The following RAB5C variants were observed in gnomAD, a reference collection of about 807,000 sequenced individuals.
The protein encoded by RAB5C is ras-related protein Rab-5C.
Under a neutral mutation model 25.2 loss-of-function variants are expected in RAB5C, and 4 were observed. The observed-to-expected ratio is 0.16, with a 90% confidence interval of 0.08 to 0.36. The LOEUF is 0.36. RAB5C is among the 10% of genes least tolerant of loss of function. The probability of loss-of-function intolerance (pLI) is 1.00; values close to 1 mark genes in which losing one functional copy is unlikely to be tolerated. For missense variants in RAB5C, 199 were observed against 283.8 expected (o/e 0.70, Z 2.15); for synonymous variants, 100 against 106.4 (o/e 0.94, Z 0.37).
At position 42,130,531 on chromosome 17, in the gene RAB5C, G is replaced by A; in HGVS notation, c.-29C>T. On this transcript the variant is annotated 5_prime_UTR_variant, in exon 2 of 6. Transcript: ENST00000346213. The stretch of plus-strand genomic sequence containing the variant: ...CCGTCCAGCTGTAGTGGTCCAGAGA[G>A]CGTGCGGGTGGGGACTGGTGCTATG... 6.2e-7 allele frequency: 1 copy of A among 1,612,990 alleles called. No homozygotes were observed. Among genetic ancestry groups the A allele is most frequent in the Non-Finnish European group, 8.5e-7 (1 of 1,179,742 alleles).
At chr17:42,140,423 G>C (rs1383356885) in intron 1 of RAB5C, among the ~76,000 whole-genome samples, 1 of 149,274 alleles carries the variant, frequency 6.7e-6, no homozygotes, top group East Asian at 2.0e-4. Context: ...AGTTCTCAGT[G>C]GGAGACCTGA....
chr17:42,142,321 C>T (rs2079608201), intron 1 of RAB5C, among the ~76,000 whole-genome samples: 2 of 152,112 alleles, frequency 1.3e-5, no homozygotes, highest in Non-Finnish European at 2.9e-5. Flanking sequence ...AGGCATGAGC[C>T]ACCGCGCCCA....
intron 5 of RAB5C, 54 bp downstream of exon 5, chr17:42,126,701 C>T: frequency 9.5e-7 from 1 of 1,055,970 alleles, no homozygotes; most frequent in Non-Finnish European, 1.4e-6. Flanking sequence ...GACCAGCAGA[C>T]AGGTGATATG....
In RAB5C at chr17:42,126,780, G is replaced by A. The variant is rs373773818; in HGVS notation, c.510C>T (p.Asn170=). The A allele has an allele frequency of 6.2e-6, 10 of 1,612,726 alleles. No individual in the cohort carries two copies. The highest frequency in any genetic ancestry group is 5.3e-5 in the African/African-American group (4 of 74,848). ...FMETSAKTAM[N]VNEIFMAIAK... is the part of the protein sequence containing the mutation. The stretch of plus-strand genomic sequence containing the variant: ...CTATTGCCATGAAGATTTCGTTCAC[G>A]TTCATTGCAGTCTTTGCTGATGTCT... The change falls in exon 5 of 6, where the codon AAC becomes AAT. Residue 170 remains asparagine, a synonymous_variant. Coordinates refer to ENST00000346213, the MANE Select transcript of RAB5C (RefSeq NM_004583.4).
At chr17:42,128,124 G>A in intron 4 of RAB5C, 137 bp downstream of exon 4, 2 of 1,284,134 alleles carry the variant, frequency 1.6e-6, no homozygotes, top group Non-Finnish European at 2.1e-6. Context: ...GCCCATGCCT[G>A]AGGCACGAGA....
In RAB5C at chr17:42,125,555, A is replaced by G; in HGVS notation, c.*228T>C. The G allele has an allele frequency of 3.9e-6, 2 of 515,512 alleles. No individual in the cohort carries two copies. Among genetic ancestry groups the G allele is most frequent in the South Asian group, 2.5e-5 (1 of 39,704 alleles). The allele number at this position is 515,512 out of a possible 1,614,324, so 31.9% of individuals were successfully genotyped here. On this transcript the variant is annotated 3_prime_UTR_variant, in exon 6 of 6. Coordinates refer to ENST00000346213, the MANE Select transcript of RAB5C (RefSeq NM_004583.4). ...GTGGGAAGAGCAGAAGATCATATAT[A>G]TTAAAAAAGTGACTTAAGACTTAAA...
At chr17:42,149,604 T>C (rs2144100303) in intron 1 of RAB5C, among the ~76,000 whole-genome samples, 1 of 152,220 alleles carries the variant, frequency 6.6e-6, no homozygotes, top group East Asian at 1.9e-4. Flanking sequence ...ATTAATTAAT[T>C]AAAGTTTCCT....
chr17:42,126,812 A>G lies in RAB5C; in HGVS notation c.478T>C (p.Phe160Leu), dbSNP rs1168548983. The G allele has an allele frequency of 6.2e-7, 1 of 1,613,486 alleles. No individual in the cohort carries two copies. The highest frequency in any genetic ancestry group is 1.1e-5 in the South Asian group (1 of 91,056). The change falls in exon 5 of 6, where the codon TTC becomes CTC. Residue 160 changes from phenylalanine (F) to leucine (L), a missense_variant. Coordinates refer to ENST00000346213, the MANE Select transcript of RAB5C (RefSeq NM_004583.4). ...QAYADDNSLL[F>L]METSAKTAMN... ...GCAGTCTTTGCTGATGTCTCCATGA[A>G]CAGCAAACTGTTGTCGTCTGCATAG...
chr17:42,132,935 G>A lies in RAB5C; in HGVS notation c.-88-2345C>T, dbSNP rs1225651683. On this transcript the variant is annotated intron_variant, in intron 1 of 5. Transcript: ENST00000346213. ...AACCCCCCAGACCCACCATAGACAT[G>A]ATGCCATCCTCCCTGCTGTGGAAGA... 2.0e-5 allele frequency among the ~76,000 whole-genome samples: 3 copies of A among 152,172 alleles called. No individual in the cohort carries two copies. In the East Asian group the frequency reaches 5.8e-4, roughly 29 times the overall value.
chr17:42,144,925 C>CAAAAAAAAAAAAAAAAAAAAA (rs544870361), intron 1 of RAB5C, among the ~76,000 whole-genome samples: 1 of 31,072 alleles, frequency 3.2e-5, no homozygotes, highest in Non-Finnish European at 6.6e-5. Context: ...GACTCCGTCT[C>CAAAAAAAAAAAAAAAAAAAAA]AAAAAAAAAA....
chr17:42,136,056 A>T (rs1439066881), intron 1 of RAB5C, among the ~76,000 whole-genome samples: 1 of 152,218 alleles, frequency 6.6e-6, no homozygotes, highest in African/African-American at 2.4e-5. Flanking sequence ...GCATTCCTGA[A>T]TATTTAAACA....
At chr17:42,138,718 A>T (rs944625528) in intron 1 of RAB5C, among the ~76,000 whole-genome samples, 1 of 152,206 alleles carries the variant, frequency 6.6e-6, no homozygotes, top group African/African-American at 2.4e-5. Flanking sequence ...TGCAGACACC[A>T]ACTCCACCAA....
intron 1 of RAB5C, among the ~76,000 whole-genome samples, chr17:42,147,921 A>AC (rs1476951066): frequency 6.6e-6 from 1 of 152,084 alleles, no homozygotes; most frequent in Admixed American, 6.6e-5. Flanking sequence ...ACATGGAGAA[A>AC]CCCCATCTCT....
In RAB5C at chr17:42,147,142, GAA is replaced by G. The variant is rs376319290; in HGVS notation, c.-89+7749_-89+7750del. On this transcript the variant is annotated intron_variant, in intron 1 of 5. Transcript: ENST00000346213. ...AAAGAAACAGAAAGAAAGAAAGAAAGAAAGAGAGAGAGAGAGAGAGAGAGAGA... is the reference window on the plus strand; with the variant it reads ...AAAGAAACAGAAAGAAAGAAAGAAAGAGAGAGAGAGAGAGAGAGAGAGAGA... Among the ~76,000 whole-genome samples, 109 of 88,802 alleles carry G rather than the reference GAA, an allele frequency of 1.2e-3. 1 individual carries two copies. The highest frequency in any genetic ancestry group is 0.012 in the African/African-American group (91 of 7,538). 58.3% of individuals were successfully genotyped at this position (88,802 alleles called of 152,430 possible).
chr17:42,130,761 T>C (rs1433521876), intron 1 of RAB5C, among the ~76,000 whole-genome samples, 171 bp from the exon 2 acceptor site: 1 of 151,656 alleles, frequency 6.6e-6, no homozygotes, highest in Non-Finnish European at 1.5e-5. Flanking sequence ...CACTGGGCTA[T>C]ACTAGATGTC....
chr17:42,130,953 G>C (rs895788491), intron 1 of RAB5C, among the ~76,000 whole-genome samples: 2 of 152,042 alleles, frequency 1.3e-5, no homozygotes, highest in Non-Finnish European at 2.9e-5. Flanking sequence ...ACAGGCTTTT[G>C]GGGCAAAATT....
At chr17:42,135,327 G>A (rs928234395) in intron 1 of RAB5C, among the ~76,000 whole-genome samples, 2 of 148,650 alleles carry the variant, frequency 1.3e-5, no homozygotes, top group Non-Finnish European at 3.0e-5. Flanking sequence ...ATGCAATCAC[G>A]ATTCACTGCA....
At chr17:42,144,325 C>T (rs973401548) in intron 1 of RAB5C, among the ~76,000 whole-genome samples, 1 of 151,902 alleles carries the variant, frequency 6.6e-6, no homozygotes, top group African/African-American at 2.4e-5. Context: ...GGCATGGTGG[C>T]ATGTGCCTGT....
intron 1 of RAB5C, among the ~76,000 whole-genome samples, chr17:42,137,300 T>C (rs7211222): frequency 0.39 from 57,117 of 148,338 alleles, 15,279 homozygotes; most frequent in African/African-American, 0.77. Flanking sequence ...AGCGAGACAC[T>C]GTCTCAAAAA....
Sources: gnomAD v4.1 joint callset for allele counts (sites outside exome capture counted in the v4.1 genomes callset) on GRCh38, gnomAD v4.1.1 for gene constraint, MANE v1.5 for transcripts, NCBI Gene and HGNC (gene_info 2026-07-23, HGNC 2026-07-21) for gene names.